The following MRPL3 variants were observed in gnomAD, a reference collection of about 807,000 sequenced individuals.
The protein encoded by MRPL3 is large ribosomal subunit protein uL3m.
MRPL3 carries 43 observed loss-of-function variants against 44.3 expected under a neutral mutation model. The observed-to-expected ratio is 0.97, with a 90% CI of 0.76 to 1.25. The LOEUF (loss-of-function observed/expected upper bound fraction) is 1.25. Among genes scored for constraint, MRPL3 ranks in the 50% most tolerant of loss-of-function variants. MRPL3 has a pLI of 0.00. For synonymous variants in MRPL3, 171 were observed against 152.3 expected (o/e 1.12, Z -0.91); for missense variants, 406 against 427.6 (o/e 0.95, Z 0.45).
At chr3:131,479,033 A>G (rs550513567) in intron 6 of MRPL3, 176 of 426,000 alleles carry the variant, frequency 4.1e-4, no homozygotes, top group Non-Finnish European at 7.0e-4. Context: ...CAAAATCCAT[A>G]CTCTAAGTAG....
intron 6 of MRPL3, among the ~76,000 whole-genome samples, chr3:131,472,015 ATG>A (rs1491036851): frequency 6.6e-6 from 1 of 152,186 alleles, no homozygotes; most frequent in African/African-American, 2.4e-5. Context: ...GCCCTGGCTG[ATG>A]CTTGACTGCA....
chr3:131,497,708 T>C (rs1292030740), intron 4 of MRPL3, among the ~76,000 whole-genome samples: 1 of 152,160 alleles, frequency 6.6e-6, no homozygotes, highest in Non-Finnish European at 1.5e-5. Context: ...TCCCAAACAC[T>C]GAAAGCTCCT....
At chr3:131,479,823 C>T (rs951640240) in intron 6 of MRPL3, among the ~76,000 whole-genome samples, 1 of 152,090 alleles carries the variant, frequency 6.6e-6, no homozygotes, top group African/African-American at 2.4e-5. Flanking sequence ...CCAGCCTGGG[C>T]GAAAGAGCGA....
chr3:131,497,637 C>T (rs1008791019), intron 4 of MRPL3, among the ~76,000 whole-genome samples: 3 of 152,044 alleles, frequency 2.0e-5, no homozygotes, highest in East Asian at 3.9e-4. Context: ...AAACTCAGTA[C>T]TCTACTTAAA....
In MRPL3 at chr3:131,501,539, C is replaced by G. The variant is rs761507314; in HGVS notation, c.269G>C (p.Trp90Ser). Reference sequence around the variant, plus strand: ...AAATACAAAATAATCACCTGGTTCCCAAGGATGTATAGGCCATGGTTCATC... The same window carrying G: ...AAATACAAAATAATCACCTGGTTCCGAAGGATGTATAGGCCATGGTTCATC... ...LKDEPWPIHP[W>S]EPGSFRVGLI... Residue 90 changes from tryptophan (W) to serine (S), a missense_variant, in exon 2 of 10, where the codon TGG becomes TCG. By Grantham distance (177) the Trp-to-Ser change is radical. Transcript: ENST00000264995. 5.6e-6 allele frequency: 9 copies of G among 1,610,276 alleles called. No homozygotes were observed. The Admixed American group carries it at 6.7e-5, about 12-fold the overall frequency.
intron 6 of MRPL3, among the ~76,000 whole-genome samples, chr3:131,474,667 A>G (rs879699670): frequency 3.3e-5 from 5 of 152,152 alleles, no homozygotes; most frequent in Non-Finnish European, 5.9e-5. Context: ...TACAACTGCA[A>G]TGTGTCAATT....
chr3:131,475,868 A>G (rs1933843119), intron 6 of MRPL3, among the ~76,000 whole-genome samples: 1 of 152,246 alleles, frequency 6.6e-6, no homozygotes, highest in Non-Finnish European at 1.5e-5. Context: ...ATACCTAAAG[A>G]GTAATTTGAA....
At chr3:131,466,956 C>A (rs1933623139) in intron 9 of MRPL3, among the ~76,000 whole-genome samples, 1 of 152,054 alleles carries the variant, frequency 6.6e-6, no homozygotes, top group South Asian at 2.1e-4. Flanking sequence ...TCCTAACTAA[C>A]TCTGTGCTTG....
At chr3:131,473,291 A>C (rs1458612434) in intron 6 of MRPL3, among the ~76,000 whole-genome samples, 1 of 152,162 alleles carries the variant, frequency 6.6e-6, no homozygotes, top group Non-Finnish European at 1.5e-5. Context: ...CAAAGGTGGC[A>C]ATACCACACA....
In MRPL3 at chr3:131,502,825, T is replaced by A. The variant is rs1292930436; in HGVS notation, c.-4A>T. ...TCAGCAGCCTCCAACCCGGCATGGA[T>A]TAGCCCGGGAAGACTCGACTCACGA... On this transcript the variant is annotated 5_prime_UTR_variant, in exon 1 of 10. Coordinates refer to ENST00000264995, the MANE Select transcript of MRPL3 (RefSeq NM_007208.4). The A allele has an allele frequency of 2.5e-6, 4 of 1,611,744 alleles. No individual in the cohort carries two copies. In the East Asian group the frequency reaches 8.9e-5, roughly 36 times the overall value.
intron 9 of MRPL3, among the ~76,000 whole-genome samples, chr3:131,466,380 G>A (rs962631927): frequency 6.6e-6 from 1 of 152,078 alleles, no homozygotes; most frequent in Non-Finnish European, 1.5e-5. Context: ...AAACTCAGAG[G>A]TAAGAAAATT....
chr3:131,473,798 A>G lies in MRPL3; in HGVS notation c.630-2519T>C, dbSNP rs191344438. Among the ~76,000 whole-genome samples, 237 of 152,248 alleles carry G rather than the reference A, an allele frequency of 1.6e-3. 1 individual carries two copies. The highest frequency in any genetic ancestry group is 5.4e-3 in the African/African-American group (224 of 41,574). On this transcript the variant is annotated intron_variant, in intron 6 of 9. Transcript: ENST00000264995. Reference sequence around the variant, plus strand: ...AAAAGAGACAAAGAAATGGCCAAGTATATGAAAAATGTTCAAAACCACTAA... The same window carrying G: ...AAAAGAGACAAAGAAATGGCCAAGTGTATGAAAAATGTTCAAAACCACTAA...
At chr3:131,493,779 G>A (rs1205162142) in intron 4 of MRPL3, among the ~76,000 whole-genome samples, 4 of 152,206 alleles carry the variant, frequency 2.6e-5, no homozygotes, top group African/African-American at 9.6e-5. Flanking sequence ...AAATCAGCAA[G>A]AAACTATTAT....
chr3:131,467,695 T>C (rs1392918254), intron 9 of MRPL3, among the ~76,000 whole-genome samples: 1 of 152,136 alleles, frequency 6.6e-6, no homozygotes, highest in Admixed American at 6.6e-5. Context: ...TCCCTAGCCA[T>C]GCTTCCTGAA....
Position 131,466,950 on chromosome 3 carries a change from A to G in MRPL3, c.894+1141T>C, listed in dbSNP as rs143918172. Among the ~76,000 whole-genome samples, 45 of 152,040 alleles carry G rather than the reference A, an allele frequency of 3.0e-4. 1 individual carries two copies. Among genetic ancestry groups the G allele is most frequent in the African/African-American group, 8.4e-4 (35 of 41,464 alleles). On this transcript the variant is annotated intron_variant, in intron 9 of 9. Transcript: ENST00000264995. ...CAGAATACCGGAATGTATTCTTCCT[A>G]ACTAACTCTGTGCTTGTAGACCACC... is the stretch of plus-strand genomic sequence containing the variant.
Position 131,500,485 on chromosome 3 carries a change from C to A in MRPL3, c.314G>T (p.Gly105Val), listed in dbSNP as rs202071969. Residue 105 changes from glycine (G) to valine (V), a missense_variant, in exon 3 of 10, where the codon GGC (glycine) becomes GTC (valine). Transcript: ENST00000264995. ...FRVGLIALKL[G>V]MMPLWTKDGQ... ...ATCCTTGGTCCATAAAGGCATCATG[C>A]CCAGCTTCAAGGCAATAAGACCAAC... 1 of 1,613,830 alleles carries A rather than the reference C, an allele frequency of 6.2e-7. No individual in the cohort carries two copies. Among genetic ancestry groups the A allele is most frequent in the Non-Finnish European group, 8.5e-7 (1 of 1,179,876 alleles).
intron 9 of MRPL3, among the ~76,000 whole-genome samples, chr3:131,464,859 T>C (rs1933565766): frequency 1.3e-5 from 2 of 152,306 alleles, no homozygotes; most frequent in Non-Finnish European, 2.9e-5. Context: ...AGTGAGTGGA[T>C]GTTAACAAAG....
intron 3 of MRPL3, among the ~76,000 whole-genome samples, 191 bp downstream of exon 3, chr3:131,500,239 G>A (rs1934464364): frequency 6.6e-6 from 1 of 152,132 alleles, no homozygotes. Flanking sequence ...GTATCAGAAG[G>A]CCACTGCTCA....
In MRPL3 at chr3:131,502,901, A is replaced by C. The variant is rs1934531557; in HGVS notation, c.-80T>G. ...TTCAGGGAGTCCCCACGCCACCGCC[A>C]CGTGGACGCAGTAGCCGTGGGGAAG... On this transcript the variant is annotated 5_prime_UTR_variant, in exon 1 of 10. Coordinates refer to ENST00000264995, the MANE Select transcript of MRPL3 (RefSeq NM_007208.4). 6.9e-6 allele frequency: 9 copies of C among 1,311,852 alleles called. No individual in the cohort carries two copies. Among genetic ancestry groups the C allele is most frequent in the Non-Finnish European group, 9.7e-6 (9 of 923,998 alleles). 81.3% of individuals were successfully genotyped at this position (1,311,852 alleles called of 1,614,324 possible).
Sources: gnomAD v4.1 joint callset for allele counts (sites outside exome capture counted in the v4.1 genomes callset) on GRCh38, gnomAD v4.1.1 for gene constraint, MANE v1.5 for transcripts, NCBI Gene and HGNC (gene_info 2026-07-23, HGNC 2026-07-21) for gene names.